The following CCDC6 variants were observed in gnomAD, a reference collection of about 807,000 sequenced individuals.
The protein encoded by CCDC6 is coiled-coil domain containing 6.
CCDC6 carries 20 observed loss-of-function variants against 56.6 expected under a neutral mutation model. The ratio of observed to expected loss-of-function variants is 0.35; its 90% confidence interval spans 0.25 to 0.51. The LOEUF is 0.51. Ranked by LOEUF, CCDC6 falls within the 20% of genes least tolerant of loss-of-function variation. CCDC6 has a pLI of 0.95. For missense variants in CCDC6, 367 were observed against 601.1 expected (o/e 0.61, Z 4.07); for synonymous variants, 241 against 234.4 (o/e 1.03, Z -0.26).
chr10:59,809,405 T>C (rs1386720650), intron 5 of CCDC6, among the ~76,000 whole-genome samples: 3 of 152,152 alleles, frequency 2.0e-5, no homozygotes, highest in African/African-American at 7.2e-5. Context: ...GATAAGAATG[T>C]CCCCTGCAGT....
intron 7 of CCDC6, among the ~76,000 whole-genome samples, chr10:59,797,461 T>A (rs1363223558): frequency 6.6e-6 from 1 of 150,630 alleles, no homozygotes; most frequent in Non-Finnish European, 1.5e-5. Context: ...AGAACAAGAA[T>A]AAAGTGGAGA....
intron 1 of CCDC6, among the ~76,000 whole-genome samples, chr10:59,871,307 A>G (rs1036372319): frequency 6.6e-6 from 1 of 151,986 alleles, no homozygotes; most frequent in Non-Finnish European, 1.5e-5. Context: ...AGCTAAGAAC[A>G]CCGCCTTGTA....
At chr10:59,863,300 T>C (rs971168554) in intron 1 of CCDC6, among the ~76,000 whole-genome samples, 2 of 152,224 alleles carry the variant, frequency 1.3e-5, no homozygotes, top group Non-Finnish European at 2.9e-5. Flanking sequence ...ACACGTGTTA[T>C]ATGGTCCACT....
At chr10:59,805,257 C>T (rs2070610715) in intron 6 of CCDC6, 1 of 152,256 alleles carries the variant, frequency 6.6e-6, no homozygotes, top group African/African-American at 2.4e-5. Context: ...GAGCGACCCA[C>T]CCTAGTGGCA....
chr10:59,878,613 G>A (rs1200108920), intron 1 of CCDC6, among the ~76,000 whole-genome samples: 2 of 152,140 alleles, frequency 1.3e-5, no homozygotes, highest in African/African-American at 2.4e-5. Flanking sequence ...AGTATGTTCT[G>A]GTCAAGTCAC....
At chr10:59,868,444 C>T (rs1342904790) in intron 1 of CCDC6, among the ~76,000 whole-genome samples, 1 of 152,160 alleles carries the variant, frequency 6.6e-6, no homozygotes, top group Non-Finnish European at 1.5e-5. Context: ...CTAGACCGTT[C>T]CTGTGATTAA....
In CCDC6 at chr10:59,790,352, A is replaced by G; in HGVS notation, c.*2565T>C. ...GGAGCCAATCCAGGGCTCACCTGGG[A>G]GAGTGGGTAACAGAATGGCAGGAAC... On this transcript the variant is annotated 3_prime_UTR_variant, in exon 9 of 9. Coordinates refer to ENST00000263102, the MANE Select transcript of CCDC6 (RefSeq NM_005436.5). 1 of 217,862 alleles carries G rather than the reference A, an allele frequency of 4.6e-6. No homozygotes were observed. The highest frequency in any genetic ancestry group is 9.2e-6 in the Non-Finnish European group (1 of 108,182). The allele number at this position is 217,862 out of a possible 1,614,324, so 13.5% of individuals were successfully genotyped here.
intron 1 of CCDC6, among the ~76,000 whole-genome samples, chr10:59,869,768 C>G (rs1457028298): frequency 6.6e-6 from 1 of 152,146 alleles, no homozygotes; most frequent in Non-Finnish European, 1.5e-5. Flanking sequence ...TCCCATCACA[C>G]TAAGAAATAG....
intron 1 of CCDC6, among the ~76,000 whole-genome samples, chr10:59,894,488 C>A (rs2071447780): frequency 6.6e-6 from 1 of 152,174 alleles, no homozygotes; most frequent in Admixed American, 6.5e-5. Flanking sequence ...AATCAGGGGC[C>A]CACCACCAAT....
At chr10:59,894,850 TATTTC>T (rs983321547) in intron 1 of CCDC6, among the ~76,000 whole-genome samples, 12 of 152,208 alleles carry the variant, frequency 7.9e-5, no homozygotes, top group African/African-American at 2.9e-4. Context: ...TCTCTAGTGT[TATTTC>T]TTTTCCAAGA....
intron 3 of CCDC6, among the ~76,000 whole-genome samples, chr10:59,827,489 G>A (rs1047529094): frequency 6.7e-6 from 1 of 148,402 alleles, no homozygotes; most frequent in African/African-American, 2.6e-5. Context: ...GGACAACTAA[G>A]CCTCCCCAAA....
Position 59,792,283 on chromosome 10 carries a change from C to G in CCDC6, c.*634G>C. 1 of 337,184 alleles carries G rather than the reference C, an allele frequency of 3.0e-6. No homozygotes were observed. The highest frequency in any genetic ancestry group is 5.6e-6 in the Non-Finnish European group (1 of 180,162). The allele number at this position is 337,184 out of a possible 1,614,324, so 20.9% of individuals were successfully genotyped here. ...GTGGAGAAGGTACAGCCACATGATT[C>G]ATTACTTTGGGCCATCTGTTTTACG... On this transcript the variant is annotated 3_prime_UTR_variant, in exon 9 of 9. Coordinates refer to ENST00000263102, the MANE Select transcript of CCDC6 (RefSeq NM_005436.5).
chr10:59,859,902 C>T (rs555318945), intron 1 of CCDC6, among the ~76,000 whole-genome samples: 10 of 152,080 alleles, frequency 6.6e-5, no homozygotes, highest in Admixed American at 3.9e-4. Flanking sequence ...CCCAATGTGG[C>T]GAAAACCCAT....
rs1480227813 is a variant in CCDC6 at position 59,906,145 on chromosome 10, G to A, written c.280C>T (p.Leu94=). ...ACGATGGTCACGCTGGCTTTGCGCA[G>A]GTCGCGGTTCTCCTCCTGCAGTGCC... ...CKALQEENRD[L]RKASVTIQAR... Residue 94 remains leucine, a synonymous_variant, in exon 1 of 9, where the codon CTG becomes TTG. Coordinates refer to ENST00000263102, the MANE Select transcript of CCDC6 (RefSeq NM_005436.5). 5.6e-6 allele frequency: 9 copies of A among 1,603,964 alleles called. No individual in the cohort carries two copies. The highest frequency in any genetic ancestry group is 7.7e-6 in the Non-Finnish European group (9 of 1,173,820).
intron 2 of CCDC6, among the ~76,000 whole-genome samples, chr10:59,835,323 T>A (rs772556255): frequency 6.6e-6 from 1 of 152,180 alleles, no homozygotes; most frequent in Non-Finnish European, 1.5e-5. Flanking sequence ...AAGGCAAGGC[T>A]CTCACTGGCT....
At chr10:59,897,167 A>C (rs2071469933) in intron 1 of CCDC6, among the ~76,000 whole-genome samples, 1 of 152,186 alleles carries the variant, frequency 6.6e-6, no homozygotes, top group Admixed American at 6.5e-5. Flanking sequence ...CTTTGTTTAG[A>C]TAAACTCTGG....
intron 1 of CCDC6, among the ~76,000 whole-genome samples, chr10:59,904,003 C>A (rs2071523351): frequency 6.6e-6 from 1 of 152,206 alleles, no homozygotes; most frequent in South Asian, 2.1e-4. Context: ...TTAGTAACAA[C>A]TGCCAAGTAT....
At chr10:59,811,153 T>C (rs896852500) in intron 5 of CCDC6, among the ~76,000 whole-genome samples, 1 of 152,174 alleles carries the variant, frequency 6.6e-6, no homozygotes, top group Non-Finnish European at 1.5e-5. Context: ...GTTAAGTTTG[T>C]ATTGTTTTGA....
At chr10:59,848,960 C>A (rs536430760) in intron 2 of CCDC6, among the ~76,000 whole-genome samples, 1 of 152,346 alleles carries the variant, frequency 6.6e-6, no homozygotes, top group East Asian at 1.9e-4. Flanking sequence ...AAGTGATCCA[C>A]CTGCCTCGGC....
Sources: gnomAD v4.1 joint callset for allele counts (sites outside exome capture counted in the v4.1 genomes callset) on GRCh38, gnomAD v4.1.1 for gene constraint, MANE v1.5 for transcripts, NCBI Gene and HGNC (gene_info 2026-07-23, HGNC 2026-07-21) for gene names.